Variants in TBX4 observed in about 807,000 individuals in gnomAD.
TBX4 encodes T-box transcription factor 4, also known as T-box transcription factor TBX4.
Under a neutral mutation model 54.6 loss-of-function variants are expected in TBX4, and 13 were observed. That is an observed-to-expected ratio of 0.24 (90% confidence interval 0.15 to 0.38). The LOEUF (loss-of-function observed/expected upper bound fraction) is 0.38, where lower values mean the gene tolerates loss of function less well. TBX4 is among the 10% of genes least tolerant of loss of function. TBX4 has a pLI of 1.00. For missense variants in TBX4, 631 were observed against 728.5 expected, an observed-to-expected ratio of 0.87 and a Z score of 1.54; for synonymous variants, 314 against 306.7, an observed-to-expected ratio of 1.02 and a Z score of -0.25.
rs553878242 is a variant in TBX4 at position 61,479,494 on chromosome 17, G to A, written c.703-387G>A. On this transcript the variant is annotated intron_variant, in intron 6 of 8. Transcript: ENST00000644296. The surrounding 1 kb of genome is among the most constrained non-coding windows in gnomAD (Gnocchi z 6.1). The stretch of plus-strand genomic sequence containing the variant: ...TTGCACAGACTCAGGCAGCAGGCCC[G>A]GGATGCTCACTGGGAAGATGTTACA... Among the ~76,000 whole-genome samples the A allele has an allele frequency of 4.6e-5, 7 of 152,292 alleles. No homozygotes were observed. The highest frequency in any genetic ancestry group is 1.7e-4 in the African/African-American group (7 of 41,564).
chr17:61,477,693 C>A (rs2060630931), intron 5 of TBX4, among the ~76,000 whole-genome samples: 1 of 152,142 alleles, frequency 6.6e-6, no homozygotes, highest in African/African-American at 2.4e-5. Context: ...GTAATCCCAG[C>A]ACTTTGGGAG....
rs2060635926 is a variant in TBX4 at position 61,478,170 on chromosome 17, TA to T, written c.550-456del. 6.6e-6 allele frequency among the ~76,000 whole-genome samples: 1 copy of T among 152,050 alleles called. No individual in the cohort carries two copies. The highest frequency in any genetic ancestry group is 2.4e-5 in the African/African-American group (1 of 41,410). On this transcript the variant is annotated intron_variant, in intron 5 of 8. Coordinates refer to ENST00000644296, the MANE Select transcript of TBX4 (RefSeq NM_001321120.2). This position sits in a 1 kb window ranked among gnomAD's most constrained non-coding sequence, Gnocchi z 7.4. ...AGGGGGACCCCTGAGGGAGGGAGGT[TA>T]CATGTTATGATCCCATTTACAAATG...
chr17:61,478,878 AG>A lies in TBX4; in HGVS notation c.702+102del, dbSNP rs2060641737. On this transcript the variant is annotated intron_variant, in intron 6 of 8. Coordinates refer to ENST00000644296, the MANE Select transcript of TBX4 (RefSeq NM_001321120.2). The surrounding 1 kb of genome is among the most constrained non-coding windows in gnomAD (Gnocchi z 7.4). Reference sequence around the variant, plus strand: ...CAGAGTGTGAAGCCAGAGTCCCAGCAGGGCTTGGGCAGGCCCAGTGCAGGGA... The same window carrying A: ...CAGAGTGTGAAGCCAGAGTCCCAGCAGGCTTGGGCAGGCCCAGTGCAGGGA... 1.3e-6 allele frequency: 2 copies of A among 1,598,686 alleles called. No individual in the cohort carries two copies. The highest frequency in any genetic ancestry group is 1.7e-6 in the Non-Finnish European group (2 of 1,167,230).
Position 61,475,711 on chromosome 17 carries a change from G to C in TBX4, c.550-2916G>C, listed in dbSNP as rs2060615405. Among the ~76,000 whole-genome samples the C allele has an allele frequency of 6.6e-6, 1 of 152,136 alleles. No individual in the cohort carries two copies. Among genetic ancestry groups the C allele is most frequent in the Admixed American group, 6.5e-5 (1 of 15,284 alleles). On this transcript the variant is annotated intron_variant, in intron 5 of 8. Transcript: ENST00000644296. This position sits in a 1 kb window ranked among gnomAD's most constrained non-coding sequence, Gnocchi z 5.0. ...GACTGCCCAGGTGTCACAGGAGCAG[G>C]GTGGCTGCTGCCATGTGTCCTAGTG...
chr17:61,470,556 C>A (rs2060569595), intron 5 of TBX4, among the ~76,000 whole-genome samples: 1 of 151,708 alleles, frequency 6.6e-6, no homozygotes. Context: ...ATTAGGAAAG[C>A]CTTCACAGCA....
Position 61,457,615 on chromosome 17 carries a change from A to G in TBX4, c.265A>G (p.Ile89Val). 1 of 1,613,942 alleles carries G rather than the reference A, an allele frequency of 6.2e-7. No individual in the cohort carries two copies. The highest frequency in any genetic ancestry group is 1.3e-5 in the African/African-American group (1 of 75,008). Reference protein sequence around the residue: ...KFHEAGTEMIITKAGRRMFPS... With the variant: ...KFHEAGTEMIVTKAGRRMFPS... ...CCACGAGGCGGGCACCGAGATGATC[A>G]TCACTAAGGCTGGCAGGTCAGCGCT... Residue 89 changes from isoleucine (I) to valine (V), a missense_variant, in exon 3 of 9, where the codon ATC becomes GTC. This residue lies in a region of TBX4 where 154 missense variants were observed against 238.6 expected (regional missense o/e 0.65). Transcript: ENST00000644296. The surrounding 1 kb of genome is among the most constrained non-coding windows in gnomAD (Gnocchi z 8.2).
chr17:61,455,275 C>T (rs2060438576), intron 1 of TBX4, among the ~76,000 whole-genome samples: 1 of 152,166 alleles, frequency 6.6e-6, no homozygotes, highest in Non-Finnish European at 1.5e-5. Flanking sequence ...AGGCCTGAGC[C>T]CGGGGATGCT....
At chr17:61,470,606 C>T (rs1211184942) in intron 5 of TBX4, among the ~76,000 whole-genome samples, 1 of 152,106 alleles carries the variant, frequency 6.6e-6, no homozygotes, top group Admixed American at 6.5e-5. Context: ...CCTTGGAAGG[C>T]AGGTTCAGGA....
rs3744436 is a variant in TBX4, at chr17:61,484,359, A to G, written c.*843A>G. On this transcript the variant is annotated 3_prime_UTR_variant, in exon 9 of 9. Transcript: ENST00000644296. The surrounding 1 kb of genome is among the most constrained non-coding windows in gnomAD (Gnocchi z 4.1). The stretch of plus-strand genomic sequence containing the variant: ...CTCTCACTCTGGTGTGTGGAGAGTC[A>G]GCCTCCCAGGCACCATACCATCTGC... The G allele has an allele frequency of 0.21, 32,603 of 151,902 alleles. 3,784 individuals carry two copies. The highest frequency in any genetic ancestry group is 0.26 in the African/African-American group (10,721 of 41,364). The allele number at this position is 151,902 out of a possible 1,614,324, so 9.4% of individuals were successfully genotyped here. A position where few individuals can be genotyped will look rare whatever the true frequency, so the allele number is the denominator to read the frequency against.
At chr17:61,456,364 G>A in intron 1 of TBX4, 124 bp from the exon 2 acceptor site, 1 of 1,313,980 alleles carries the variant, frequency 7.6e-7, no homozygotes. Flanking sequence ...GAGGGGGCGG[G>A]GTCCACGTGC....
intron 5 of TBX4, among the ~76,000 whole-genome samples, chr17:61,470,084 G>T (rs2060566170): frequency 6.6e-6 from 1 of 152,158 alleles, no homozygotes; most frequent in Non-Finnish European, 1.5e-5. Flanking sequence ...GCCCAAAAGG[G>T]TGGGCTCTCT....
intron 1 of TBX4, 186 bp from the exon 2 acceptor site, chr17:61,456,302 A>T: frequency 1.4e-6 from 1 of 704,064 alleles, no homozygotes; most frequent in South Asian, 1.7e-5. Context: ...CACAGCCTGA[A>T]GGGAGGAGGC....
At chr17:61,463,628 G>C (rs529182703) in intron 3 of TBX4, among the ~76,000 whole-genome samples, 5 of 152,364 alleles carry the variant, frequency 3.3e-5, no homozygotes, top group Non-Finnish European at 5.9e-5. Flanking sequence ...TATGACGCGT[G>C]CCAAAGTGGC....
intron 4 of TBX4, 103 bp from the exon 5 acceptor site, chr17:61,467,407 A>G: frequency 2.1e-6 from 3 of 1,409,596 alleles, no homozygotes; most frequent in Non-Finnish European, 3.0e-6. Context: ...ACCAGCAGCT[A>G]TTTTTTCCTC....
chr17:61,457,593 C>T lies in TBX4; in HGVS notation c.243C>T (p.His81=), dbSNP rs2060462209. Residue 81 remains histidine, a synonymous_variant, in exon 3 of 9, where the codon CAC becomes CAT. Transcript: ENST00000644296. This position sits in a 1 kb window ranked among gnomAD's most constrained non-coding sequence, Gnocchi z 8.2. ...LHEKELWKKF[H]EAGTEMIITK... The stretch of plus-strand genomic sequence containing the variant: ...AGAAGGAGCTCTGGAAGAAGTTCCA[C>T]GAGGCGGGCACCGAGATGATCATCA... The T allele has an allele frequency of 1.9e-6, 3 of 1,613,568 alleles. No homozygotes were observed. The highest frequency in any genetic ancestry group is 1.3e-5 in the African/African-American group (1 of 74,776).
chr17:61,484,600 C>T lies in TBX4; in HGVS notation c.*1084C>T, dbSNP rs1001735656. On this transcript the variant is annotated 3_prime_UTR_variant, in exon 9 of 9. Transcript: ENST00000644296. This position sits in a 1 kb window ranked among gnomAD's most constrained non-coding sequence, Gnocchi z 4.1. ...TGAGCTCAGAGGAGCAAAGAGAATT[C>T]TCCAGTGTGGCGCTCACAAAGTCCT... The T allele has an allele frequency of 1.8e-4, 27 of 152,150 alleles. No homozygotes were observed. Among genetic ancestry groups the T allele is most frequent in the African/African-American group, 6.3e-4 (26 of 41,430 alleles). The allele number at this position is 152,150 out of a possible 1,614,324, so 9.4% of individuals were successfully genotyped here.
chr17:61,472,487 A>T lies in TBX4; in HGVS notation c.549+4830A>T, dbSNP rs943869354. On this transcript the variant is annotated intron_variant, in intron 5 of 8. Coordinates refer to ENST00000644296, the MANE Select transcript of TBX4 (RefSeq NM_001321120.2). This position sits in a 1 kb window ranked among gnomAD's most constrained non-coding sequence, Gnocchi z 4.5. ...TGCTCATTTTTCTTGTAGGTTTTTGATATCAATTTCTAGGAACTCTTATAA... is the reference window on the plus strand; with the variant it reads ...TGCTCATTTTTCTTGTAGGTTTTTGTTATCAATTTCTAGGAACTCTTATAA... Among the ~76,000 whole-genome samples, 1 of 152,074 alleles carries T rather than the reference A, an allele frequency of 6.6e-6. No individual in the cohort carries two copies. The highest frequency in any genetic ancestry group is 1.5e-5 in the Non-Finnish European group (1 of 67,996).
At chr17:61,467,257 T>C (rs548223145) in intron 4 of TBX4, among the ~76,000 whole-genome samples, 9 of 152,342 alleles carry the variant, frequency 5.9e-5, no homozygotes, top group Non-Finnish European at 1.2e-4. Flanking sequence ...AATTAAATGA[T>C]CCCATTTCCC....
In TBX4 at chr17:61,461,395, ACC is replaced by A. The variant is rs2060493327; in HGVS notation, c.281+3767_281+3768del. 6.6e-6 allele frequency among the ~76,000 whole-genome samples: 1 copy of A among 151,980 alleles called. No individual in the cohort carries two copies. Among genetic ancestry groups the A allele is most frequent in the Non-Finnish European group, 1.5e-5 (1 of 67,996 alleles). On this transcript the variant is annotated intron_variant, in intron 3 of 8. Transcript: ENST00000644296. This position sits in a 1 kb window ranked among gnomAD's most constrained non-coding sequence, Gnocchi z 5.1. The stretch of plus-strand genomic sequence containing the variant: ...GGTGGCACCAGCAGCCCCACTCCTA[ACC>A]CCAGCCTTGGATGCTGGGCCCTGGC...
Sources: gnomAD v4.1 joint callset for allele counts (sites outside exome capture counted in the v4.1 genomes callset) on GRCh38, gnomAD v4.1.1 for gene constraint, gnomAD v4.1.1 regional missense constraint, Gnocchi (gnomAD v3.1) non-coding constraint, MANE v1.5 for transcripts, NCBI Gene and HGNC (gene_info 2026-07-23, HGNC 2026-07-21) for gene names.